Variants in GRID2 observed in about 807,000 individuals in gnomAD.
GRID2 encodes the protein glutamate receptor ionotropic, delta-2.
In GRID2, 33 loss-of-function variants were observed where a neutral mutation model predicts 114.8. The observed-to-expected ratio is 0.29, with a 90% CI of 0.22 to 0.38. The LOEUF (loss-of-function observed/expected upper bound fraction) is 0.38, where lower values mean the gene tolerates loss of function less well. Among genes scored for constraint, GRID2 ranks in the 10% least tolerant of loss-of-function variants. The pLI, the probability that GRID2 is intolerant of heterozygous loss-of-function variation, is 1.00. For missense variants in GRID2, 1,184 were observed against 1,257.7 expected, an observed-to-expected ratio of 0.94 and a Z score of 0.89; for synonymous variants, 505 against 449.9, an observed-to-expected ratio of 1.12 and a Z score of -1.55.
chr4:93,799,076 C>T (rs1734866442), intron 1 of GRID2, among the ~76,000 whole-genome samples: 1 of 152,150 alleles, frequency 6.6e-6, no homozygotes, highest in Admixed American at 6.5e-5. Context: ...CATTTAAAGA[C>T]CCTCAACCTC....
chr4:93,747,628 C>A (rs1224462949), intron 14 of GRID2, among the ~76,000 whole-genome samples: 3 of 152,082 alleles, frequency 2.0e-5, no homozygotes, highest in African/African-American at 7.2e-5. Flanking sequence ...AAAGTCTAAT[C>A]ATATATACAC....
intron 2 of GRID2, among the ~76,000 whole-genome samples, chr4:92,986,723 T>A (rs1176144925): frequency 6.6e-6 from 1 of 152,186 alleles, no homozygotes; most frequent in Non-Finnish European, 1.5e-5. Flanking sequence ...ACAGACTTTT[T>A]TAAAAAGCTG....
intron 2 of GRID2, among the ~76,000 whole-genome samples, chr4:92,634,740 T>C (rs1255970591): frequency 7.1e-6 from 1 of 141,072 alleles, no homozygotes; most frequent in Non-Finnish European, 1.5e-5. Flanking sequence ...ACATTTCTTT[T>C]TTTTTTCTTT....
Position 93,107,683 on chromosome 4 carries a change from C to T in GRID2, c.530-3065C>T, listed in dbSNP as rs115738006. Among the ~76,000 whole-genome samples, 645 of 152,000 alleles carry T rather than the reference C, an allele frequency of 4.2e-3. 8 individuals are homozygous for T. The highest frequency in any genetic ancestry group is 0.015 in the African/African-American group (616 of 41,446). ...CCTGGGTATGTATTTTTAGTAGAGA[C>T]GAGGTTTACCATGTTGGCCAGGCTG... On this transcript the variant is annotated intron_variant, in intron 3 of 15. Transcript: ENST00000282020.
At chr4:92,668,333 G>C (rs1322219215) in intron 2 of GRID2, among the ~76,000 whole-genome samples, 2 of 151,512 alleles carry the variant, frequency 1.3e-5, no homozygotes, top group Admixed American at 1.3e-4. Context: ...AAATAATAAT[G>C]GTTTATAGAA....
At chr4:93,420,021 T>C (rs1768110403) in intron 9 of GRID2, among the ~76,000 whole-genome samples, 1 of 152,118 alleles carries the variant, frequency 6.6e-6, no homozygotes, top group African/African-American at 2.4e-5. Flanking sequence ...GGTGATTAAA[T>C]TACTGATAAA....
intron 2 of GRID2, among the ~76,000 whole-genome samples, chr4:92,985,897 T>G (rs932854579): frequency 1.3e-5 from 2 of 152,210 alleles, no homozygotes; most frequent in African/African-American, 4.8e-5. Flanking sequence ...TGATAGGTTC[T>G]ACATCTGAGG....
rs144164866 is a variant in GRID2 at position 92,821,889 on chromosome 4, T to A, written c.244+231603T>A. 7.7e-3 allele frequency: 1,203 copies of A among 155,634 alleles called. 25 individuals are homozygous for A. Among genetic ancestry groups the A allele is most frequent in the African/African-American group, 0.027 (1,144 of 41,616 alleles). The allele number at this position is 155,634 out of a possible 1,614,324, so 9.6% of individuals were successfully genotyped here. On this transcript the variant is annotated intron_variant, in intron 2 of 15. Transcript: ENST00000282020. ...TACTTTCTCCCCATCTCTTTATGTT[T>A]CACTGCTGGGGAAGTTAATAATGAT...
At chr4:93,805,006 A>G (rs931833652) in intron 1 of GRID2, among the ~76,000 whole-genome samples, 6 of 152,208 alleles carry the variant, frequency 3.9e-5, no homozygotes, top group Admixed American at 3.9e-4. Context: ...TATGTTGTAT[A>G]CCAGTGCATT....
At chr4:93,267,188 AT>A (rs1048317012) in intron 8 of GRID2, among the ~76,000 whole-genome samples, 9 of 15,160 alleles carry the variant, frequency 5.9e-4, no homozygotes, top group Non-Finnish European at 8.7e-4. Flanking sequence ...TAATTTTATT[AT>A]TTTTTTTATT....
intron 13 of GRID2, among the ~76,000 whole-genome samples, chr4:93,601,025 G>A (rs1413211557): frequency 1.3e-5 from 2 of 152,168 alleles, no homozygotes; most frequent in African/African-American, 4.8e-5. Flanking sequence ...GAGGAAGAGG[G>A]CAAGGAAAAT....
At chr4:92,605,238 A>G (rs1210926362) in intron 2 of GRID2, among the ~76,000 whole-genome samples, 1 of 152,106 alleles carries the variant, frequency 6.6e-6, no homozygotes, top group East Asian at 1.9e-4. Flanking sequence ...AAACTGCTTA[A>G]TGCTTAAATA....
At chr4:92,360,647 AG>A (rs1389110482) in intron 1 of GRID2, among the ~76,000 whole-genome samples, 1 of 151,968 alleles carries the variant, frequency 6.6e-6, no homozygotes, top group East Asian at 1.9e-4. Flanking sequence ...AGGCTTCATA[AG>A]ATTAGTGATG....
At chr4:92,430,343 C>T (rs1732378772) in intron 1 of GRID2, among the ~76,000 whole-genome samples, 1 of 151,982 alleles carries the variant, frequency 6.6e-6, no homozygotes, top group Non-Finnish European at 1.5e-5. Context: ...TTCCCAGCAC[C>T]ATTTATTGAA....
chr4:92,866,489 T>C (rs1744871875), intron 2 of GRID2, among the ~76,000 whole-genome samples: 1 of 152,154 alleles, frequency 6.6e-6, no homozygotes, highest in Non-Finnish European at 1.5e-5. Flanking sequence ...AAACAATTTT[T>C]AATAAAGATA....
chr4:92,417,896 C>T (rs1269898129), intron 1 of GRID2, among the ~76,000 whole-genome samples: 1 of 152,116 alleles, frequency 6.6e-6, no homozygotes, highest in Non-Finnish European at 1.5e-5. Context: ...AATGGGATTT[C>T]CCCTGTGCAG....
At chr4:93,592,282 A>G (rs1324282249) in intron 13 of GRID2, among the ~76,000 whole-genome samples, 1 of 152,070 alleles carries the variant, frequency 6.6e-6, no homozygotes, top group African/African-American at 2.4e-5. Context: ...GTTTCAAAGA[A>G]CATCTTTATT....
intron 10 of GRID2, among the ~76,000 whole-genome samples, chr4:93,428,684 G>T (rs1040564167): frequency 3.9e-5 from 6 of 152,222 alleles, no homozygotes; most frequent in Non-Finnish European, 8.8e-5. Flanking sequence ...AAAATAAAAT[G>T]ATATAAATAT....
chr4:93,492,876 C>G (rs1449673731), intron 12 of GRID2, among the ~76,000 whole-genome samples: 1 of 151,208 alleles, frequency 6.6e-6, no homozygotes, highest in Non-Finnish European at 1.5e-5. Context: ...TCTGAAAGTT[C>G]GTACCCTTTG....
Sources: gnomAD v4.1 joint callset for allele counts (sites outside exome capture counted in the v4.1 genomes callset) on GRCh38, gnomAD v4.1.1 for gene constraint, MANE v1.5 for transcripts, NCBI Gene and HGNC (gene_info 2026-07-23, HGNC 2026-07-21) for gene names.